Variants in CNTN4 observed in about 807,000 individuals in gnomAD.
CNTN4 encodes contactin 4.
CNTN4 carries 77 observed loss-of-function variants against 122.5 expected under a neutral mutation model. The observed-to-expected ratio is 0.63, with a 90% CI of 0.52 to 0.76. The LOEUF is 0.76. Among genes scored for constraint, CNTN4 ranks in the 30% least tolerant of loss-of-function variants. CNTN4 has a pLI of 0.00. For missense variants in CNTN4, 1,256 were observed against 1,259.1 expected, an observed-to-expected ratio of 1.00 and a Z score of 0.04; for synonymous variants, 512 against 447.0, an observed-to-expected ratio of 1.15 and a Z score of -1.83.
chr3:2,529,238 C>G (rs1474022013), intron 3 of CNTN4, among the ~76,000 whole-genome samples: 1 of 152,118 alleles, frequency 6.6e-6, no homozygotes, highest in Non-Finnish European at 1.5e-5. Flanking sequence ...TTTGACTTAA[C>G]ATAAAGTCCT....
At chr3:2,377,273 C>A (rs1054806635) in intron 3 of CNTN4, among the ~76,000 whole-genome samples, 3 of 152,136 alleles carry the variant, frequency 2.0e-5, no homozygotes, top group African/African-American at 7.2e-5. Context: ...GCTCCTCTCC[C>A]TAATAGGAAG....
intron 2 of CNTN4, among the ~76,000 whole-genome samples, chr3:2,191,255 C>CTT (rs35365255): frequency 5.4e-4 from 77 of 143,792 alleles, no homozygotes; most frequent in African/African-American, 1.9e-3. Context: ...TTTAATGTGG[C>CTT]TTTTTTTTTT....
intron 7 of CNTN4, among the ~76,000 whole-genome samples, chr3:2,853,347 C>T (rs888144269): frequency 2.0e-5 from 3 of 152,038 alleles, no homozygotes; most frequent in South Asian, 2.1e-4. Flanking sequence ...CGGGTTCAAG[C>T]GATTCTCCTG....
Position 2,709,563 on chromosome 3 carries a change from T to C in CNTN4, c.56-26652T>C, listed in dbSNP as rs1407411536. On this transcript the variant is annotated intron_variant, in intron 4 of 24. Transcript: ENST00000418658. This position sits in a 1 kb window ranked among gnomAD's most constrained non-coding sequence, Gnocchi z 5.0. ...CTTCTAGACCAGTCTCCTTTCCAAT[T>C]CCATAAAATGAACAATTTCACATAT... is the stretch of plus-strand genomic sequence containing the variant. 6.6e-6 allele frequency among the ~76,000 whole-genome samples: 1 copy of C among 152,156 alleles called. No homozygotes were observed. The highest frequency in any genetic ancestry group is 1.5e-5 in the Non-Finnish European group (1 of 68,020).
chr3:2,332,452 T>G (rs1343098503), intron 2 of CNTN4, among the ~76,000 whole-genome samples: 1 of 152,108 alleles, frequency 6.6e-6, no homozygotes, highest in Non-Finnish European at 1.5e-5. Flanking sequence ...AGAGTTTTTA[T>G]TCACCCATTT....
At chr3:2,652,463 A>G (rs967304717) in intron 4 of CNTN4, among the ~76,000 whole-genome samples, 4 of 152,232 alleles carry the variant, frequency 2.6e-5, no homozygotes, top group Non-Finnish European at 1.5e-5. Context: ...TGTTCAGCAG[A>G]TAATGAAAGG....
intron 3 of CNTN4, among the ~76,000 whole-genome samples, chr3:2,535,631 T>TA (rs2077773872): frequency 6.6e-6 from 1 of 152,128 alleles, no homozygotes; most frequent in East Asian, 1.9e-4. Context: ...TAGAGATTCC[T>TA]ATGTTCTAAT....
At chr3:2,193,742 A>T (rs2037701449) in intron 2 of CNTN4, among the ~76,000 whole-genome samples, 2 of 152,202 alleles carry the variant, frequency 1.3e-5, no homozygotes, top group Non-Finnish European at 2.9e-5. Flanking sequence ...CTATGGCCCC[A>T]TAAGATTATA....
intron 4 of CNTN4, among the ~76,000 whole-genome samples, chr3:2,632,089 T>G (rs1446684097): frequency 7.3e-6 from 1 of 137,732 alleles, no homozygotes; most frequent in African/African-American, 2.7e-5. Flanking sequence ...CACACACGTG[T>G]GTGTATGTAT....
intron 2 of CNTN4, among the ~76,000 whole-genome samples, chr3:2,297,894 C>A (rs1324918007): frequency 6.6e-6 from 1 of 152,240 alleles, no homozygotes; most frequent in East Asian, 1.9e-4. Flanking sequence ...CCACACCTGG[C>A]TAATTCTTAT....
chr3:2,413,617 C>G (rs796176573), intron 3 of CNTN4, among the ~76,000 whole-genome samples: 4 of 151,892 alleles, frequency 2.6e-5, no homozygotes, highest in African/African-American at 9.7e-5. Flanking sequence ...GATCTCGGCT[C>G]ACTACAACCT....
At chr3:2,994,613 A>ATATATATATATATATGTG (rs370506181) in intron 14 of CNTN4, among the ~76,000 whole-genome samples, 8 of 142,158 alleles carry the variant, frequency 5.6e-5, no homozygotes, top group African/African-American at 1.8e-4. Flanking sequence ...ATATATATAT[A>ATATATATATATATATGTG]TGTGTGTATA....
At chr3:3,011,524 C>A (rs930184562) in intron 14 of CNTN4, among the ~76,000 whole-genome samples, 3 of 152,120 alleles carry the variant, frequency 2.0e-5, no homozygotes, top group Admixed American at 6.5e-5. Flanking sequence ...GTTGCCCTGG[C>A]AAATGAGCAA....
At chr3:2,447,321 A>G (rs368487553) in intron 3 of CNTN4, among the ~76,000 whole-genome samples, 1 of 152,154 alleles carries the variant, frequency 6.6e-6, no homozygotes, top group Non-Finnish European at 1.5e-5. Flanking sequence ...ATTTTGGCAC[A>G]TTCTAATTAT....
At chr3:2,742,669 G>A (rs1423701510) in intron 5 of CNTN4, among the ~76,000 whole-genome samples, 2 of 152,106 alleles carry the variant, frequency 1.3e-5, no homozygotes, top group African/African-American at 4.8e-5. Context: ...GAGTGGAGTC[G>A]TGGTTCCTCA....
intron 3 of CNTN4, among the ~76,000 whole-genome samples, chr3:2,343,869 A>G (rs2044298649): frequency 6.6e-6 from 1 of 152,214 alleles, no homozygotes; most frequent in Non-Finnish European, 1.5e-5. Context: ...CTGTACAAGA[A>G]GCATGGCACC....
chr3:2,908,884 C>A (rs2094267127), intron 12 of CNTN4, among the ~76,000 whole-genome samples: 1 of 151,982 alleles, frequency 6.6e-6, no homozygotes, highest in Admixed American at 6.6e-5. Context: ...GGTTCAGTAT[C>A]CCGGGGGTTC....
chr3:2,356,444 C>T (rs1052653876), intron 3 of CNTN4, among the ~76,000 whole-genome samples: 9 of 152,274 alleles, frequency 5.9e-5, no homozygotes, highest in African/African-American at 2.2e-4. Context: ...GCCATGGCAT[C>T]TGTAAACTGT....
intron 2 of CNTN4, among the ~76,000 whole-genome samples, chr3:2,108,372 T>C (rs2729004): frequency 0.061 from 9,254 of 152,238 alleles, 484 homozygotes; most frequent in African/African-American, 0.13. Context: ...GCCACTGATA[T>C]AATATCTGTC....
Sources: gnomAD v4.1 joint callset for allele counts (sites outside exome capture counted in the v4.1 genomes callset) on GRCh38, gnomAD v4.1.1 for gene constraint, Gnocchi (gnomAD v3.1) non-coding constraint, MANE v1.5 for transcripts, NCBI Gene and HGNC (gene_info 2026-07-23, HGNC 2026-07-21) for gene names.